Variants in THRAP3 observed in about 807,000 individuals in gnomAD.
THRAP3 encodes thyroid hormone receptor-associated protein 3.
Under a neutral mutation model 101.0 loss-of-function variants are expected in THRAP3, and 16 were observed. That is an observed-to-expected ratio of 0.16 (90% CI 0.11 to 0.24). The LOEUF (loss-of-function observed/expected upper bound fraction) is 0.24, where lower values mean the gene tolerates loss of function less well. Ranked by LOEUF, THRAP3 falls within the 10% of genes least tolerant of loss-of-function variation. THRAP3 has a pLI of 1.00. For synonymous variants in THRAP3, 407 were observed against 422.6 expected (o/e 0.96, Z 0.45); for missense variants, 989 against 1,202.7 (o/e 0.82, Z 2.63).
chr1:36,270,558 T>A (rs902415503), intron 2 of THRAP3, among the ~76,000 whole-genome samples: 1 of 143,774 alleles, frequency 7.0e-6, no homozygotes, highest in Non-Finnish European at 1.5e-5. Context: ...AAAATACAGT[T>A]CTATTTGTTT....
the THRAP3 span, among the ~76,000 whole-genome samples, chr1:36,213,793 G>A: frequency 1.3e-5 from 2 of 151,540 alleles, no homozygotes; most frequent in Non-Finnish European, 2.9e-5. Flanking sequence ...GTTGCAGTGA[G>A]CTGAGATTGC....
intron 2 of THRAP3, among the ~76,000 whole-genome samples, chr1:36,278,942 A>AAAAAT (rs564796429): frequency 6.6e-6 from 1 of 151,960 alleles, no homozygotes; most frequent in Non-Finnish European, 1.5e-5. Flanking sequence ...ATAAATAAAT[A>AAAAAT]AAAATAAAAT....
At chr1:36,277,625 A>T (rs1210917336) in intron 2 of THRAP3, among the ~76,000 whole-genome samples, 1 of 152,058 alleles carries the variant, frequency 6.6e-6, no homozygotes, top group Non-Finnish European at 1.5e-5. Flanking sequence ...TCCTGCCTCA[A>T]GTCTCCCAAG....
Position 36,286,493 on chromosome 1 carries a change from G to C in THRAP3, c.263G>C (p.Gly88Ala). The change falls in exon 4 of 12, where the codon GGG becomes GCG. Residue 88 changes from glycine to alanine, a missense_variant. Coordinates refer to ENST00000354618, the MANE Select transcript of THRAP3 (RefSeq NM_005119.4). The surrounding 1 kb of genome is among the most constrained non-coding windows in gnomAD (Gnocchi z 5.5). ...TATAGAAGGCCCTATTATTTCCGTG[G>C]GCGTAACAGAGGCTTTTATCCATGG... ...RGYRRPYYFR[G>A]RNRGFYPWGQ... The C allele has an allele frequency of 6.2e-7, 1 of 1,614,140 alleles. No individual in the cohort carries two copies. The highest frequency in any genetic ancestry group is 1.1e-5 in the South Asian group (1 of 91,082).
the THRAP3 span, among the ~76,000 whole-genome samples, chr1:36,217,961 A>G: frequency 2.2e-4 from 34 of 152,324 alleles, no homozygotes; most frequent in African/African-American, 7.0e-4. Context: ...TTAAATCAAA[A>G]GCTAGAAATG....
intron 2 of THRAP3, among the ~76,000 whole-genome samples, chr1:36,261,406 G>A (rs755015343): frequency 5.3e-5 from 8 of 152,132 alleles, no homozygotes; most frequent in Non-Finnish European, 1.0e-4. Context: ...GGTGGTGGGC[G>A]CCTGTAGTCC....
intron 1 of THRAP3, among the ~76,000 whole-genome samples, chr1:36,236,224 GAAAA>G (rs1160026977): frequency 9.2e-6 from 1 of 108,664 alleles, no homozygotes; most frequent in African/African-American, 3.5e-5. Flanking sequence ...AGTCTCAAAA[GAAAA>G]AAAAAAAAAA....
intron 5 of THRAP3, among the ~76,000 whole-genome samples, chr1:36,290,199 CTT>C (rs1194649724): frequency 6.6e-6 from 1 of 151,732 alleles, no homozygotes; most frequent in East Asian, 1.9e-4. Context: ...CTCTCTCTCT[CTT>C]CTTTTTTTTT....
intron 2 of THRAP3, among the ~76,000 whole-genome samples, chr1:36,281,189 G>A (rs1166801703): frequency 6.6e-6 from 1 of 152,102 alleles, no homozygotes; most frequent in Non-Finnish European, 1.5e-5. Context: ...TTACAGGCGT[G>A]AGCCACCGCC....
intron 2 of THRAP3, among the ~76,000 whole-genome samples, chr1:36,278,188 T>C (rs549875211): frequency 1.3e-5 from 2 of 151,742 alleles, no homozygotes; most frequent in East Asian, 3.9e-4. Flanking sequence ...GCCTCAGCCT[T>C]CTGAGTAGCT....
At chr1:36,271,129 T>C (rs1350485659) in intron 2 of THRAP3, among the ~76,000 whole-genome samples, 4 of 152,230 alleles carry the variant, frequency 2.6e-5, no homozygotes, top group Non-Finnish European at 5.9e-5. Context: ...CAGTTTGCTG[T>C]ATGTCCTTAT....
intron 1 of THRAP3, among the ~76,000 whole-genome samples, chr1:36,244,024 A>AC (rs1422327281): frequency 7.4e-5 from 9 of 121,252 alleles, no homozygotes; most frequent in Non-Finnish European, 1.0e-4. Context: ...CGGGGGGCTG[A>AC]CCCCCCCACC....
the THRAP3 span, among the ~76,000 whole-genome samples, chr1:36,212,932 C>A: frequency 6.6e-6 from 1 of 152,094 alleles, no homozygotes; most frequent in Non-Finnish European, 1.5e-5. Context: ...ATGAGATAGG[C>A]CTTTGATAGG....
chr1:36,242,866 C>T (rs1220520573), intron 1 of THRAP3, among the ~76,000 whole-genome samples: 2 of 152,092 alleles, frequency 1.3e-5, no homozygotes, highest in Non-Finnish European at 2.9e-5. Flanking sequence ...CAGATATTCT[C>T]TTCTGTTTTC....
Position 36,286,499 on chromosome 1 carries a change from A to G in THRAP3, c.269A>G (p.Asn90Ser). Residue 90 changes from asparagine (N) to serine (S), a missense_variant, in exon 4 of 12, where the codon AAC (asparagine) becomes AGC (serine). By Grantham distance (46) the Asn-to-Ser change is conservative. Coordinates refer to ENST00000354618, the MANE Select transcript of THRAP3 (RefSeq NM_005119.4). This position sits in a 1 kb window ranked among gnomAD's most constrained non-coding sequence, Gnocchi z 5.5. ...AGGCCCTATTATTTCCGTGGGCGTAACAGAGGCTTTTATCCATGGGGCCAA... is the reference window on the plus strand; with the variant it reads ...AGGCCCTATTATTTCCGTGGGCGTAGCAGAGGCTTTTATCCATGGGGCCAA... ...YRRPYYFRGR[N>S]RGFYPWGQYN... 1 of 1,614,184 alleles carries G rather than the reference A, an allele frequency of 6.2e-7. No homozygotes were observed. Among genetic ancestry groups the G allele is most frequent in the Non-Finnish European group, 8.5e-7 (1 of 1,180,044 alleles).
rs1646040694 is a variant in THRAP3, at chr1:36,302,378, GTTGT to G, written c.2646+683_2646+686del. Among the ~76,000 whole-genome samples the G allele has an allele frequency of 4.6e-5, 7 of 152,368 alleles. No homozygotes were observed. In the South Asian group the frequency reaches 1.4e-3, roughly 32 times the overall value. ...TGTCAGTTGGACAGCTAGGAAACAG[GTTGT>G]GTGTGGATGGCTATGCGTGGCCACC... On this transcript the variant is annotated intron_variant, in intron 11 of 11. Coordinates refer to ENST00000354618, the MANE Select transcript of THRAP3 (RefSeq NM_005119.4).
chr1:36,241,432 C>CAG (rs1162814416), intron 1 of THRAP3, among the ~76,000 whole-genome samples: 4 of 135,718 alleles, frequency 2.9e-5, no homozygotes, highest in Admixed American at 7.3e-5. Flanking sequence ...TATATATACA[C>CAG]ATATATAAAT....
At position 36,227,898 on chromosome 1, in the gene THRAP3, C is replaced by T. The variant is rs374234385; in HGVS notation, c.-135+3393C>T. 2.6e-5 allele frequency among the ~76,000 whole-genome samples: 4 copies of T among 151,892 alleles called. No homozygotes were observed. In the South Asian group the frequency reaches 8.3e-4, roughly 32 times the overall value. ...CAGGACACTCTTTTTGTTTTTGAGACGGAATCTCGCTCTGTTGCCCAGGCT... is the reference window on the plus strand; with the variant it reads ...CAGGACACTCTTTTTGTTTTTGAGATGGAATCTCGCTCTGTTGCCCAGGCT... On this transcript the variant is annotated intron_variant, in intron 1 of 11. Coordinates refer to ENST00000354618, the MANE Select transcript of THRAP3 (RefSeq NM_005119.4).
chr1:36,220,341 T>C (rs576714094), upstream of THRAP3, among the ~76,000 whole-genome samples: 28 of 152,254 alleles, frequency 1.8e-4, no homozygotes, highest in African/African-American at 5.8e-4. Flanking sequence ...CTATAGCCCA[T>C]GGATAAAAGA....
Sources: gnomAD v4.1 joint callset for allele counts (sites outside exome capture counted in the v4.1 genomes callset) on GRCh38, gnomAD v4.1.1 for gene constraint, Gnocchi (gnomAD v3.1) non-coding constraint, MANE v1.5 for transcripts, NCBI Gene and HGNC (gene_info 2026-07-23, HGNC 2026-07-21) for gene names.